The following FAAH2 variants were observed in gnomAD, a reference collection of about 807,000 sequenced individuals.
FAAH2 encodes fatty acid amide hydrolase 2, also known as fatty-acid amide hydrolase 2.
A neutral mutation model predicts 36.9 loss-of-function variants in FAAH2; 60 were observed. That is an observed-to-expected ratio of 1.63 (90% confidence interval 1.32 to 2.02). FAAH2 has a LOEUF of 2.02. FAAH2 is among the 30% of genes most tolerant of loss of function. The probability of loss-of-function intolerance (pLI) is 0.00; values close to 1 mark genes in which losing one functional copy is unlikely to be tolerated. For synonymous variants in FAAH2, 214 were observed against 143.8 expected (o/e 1.49, Z -3.49); for missense variants, 689 against 397.5 (o/e 1.73, Z -6.23).
At chrX:57,283,529 A>C (rs1480146835), upstream of FAAH2, among the ~76,000 whole-genome samples, 1 of 111,738 alleles carries the variant, frequency 8.9e-6, no homozygotes, top group Non-Finnish European at 1.9e-5. Flanking sequence ...CTGCAATGGC[A>C]GTGGCAGAGG....
At chrX:57,252,514 C>T in the FAAH2 span, among the ~76,000 whole-genome samples, 1 of 111,952 alleles carries the variant, frequency 8.9e-6, no homozygotes, top group South Asian at 3.7e-4. Flanking sequence ...TCATACAGGA[C>T]ATCTCTGGCT....
At chrX:57,291,506 T>A (rs1243898180) in intron 1 of FAAH2, among the ~76,000 whole-genome samples, 1 of 112,259 alleles carries the variant, frequency 8.9e-6, no homozygotes, top group Non-Finnish European at 1.9e-5. Context: ...GCTGAGCTTT[T>A]TTTAAAACCA....
At position 57,384,788 on chromosome X, in the gene FAAH2, C is replaced by G. The variant is rs1012136790; in HGVS notation, c.996+3759C>G. The stretch of plus-strand genomic sequence containing the variant: ...GTGGGGATTCCTCAGGGATCTAGAA[C>G]TAGAAATACCATTTGACCCAGCCAT... On this transcript the variant is annotated intron_variant, in intron 7 of 10. Coordinates refer to ENST00000374900, the MANE Select transcript of FAAH2 (RefSeq NM_174912.4). Among the ~76,000 whole-genome samples, 4 of 111,573 alleles carry G rather than the reference C, an allele frequency of 3.6e-5. No homozygotes were observed. The East Asian group carries it at 1.1e-3, about 32-fold the overall frequency.
the FAAH2 span, among the ~76,000 whole-genome samples, chrX:57,276,783 AATACTATAAGCACC>A: frequency 8.9e-6 from 1 of 112,084 alleles, no homozygotes; most frequent in Non-Finnish European, 1.9e-5. Context: ...ACCTTTAGAG[AATACTATAAGCACC>A]GGTACACAAA....
chrX:57,384,123 G>A (rs2054939816), intron 7 of FAAH2, among the ~76,000 whole-genome samples: 2 of 110,780 alleles, frequency 1.8e-5, no homozygotes, highest in Middle Eastern at 4.6e-3. Context: ...CTAGCCATAT[G>A]TAGAAAGCTG....
At chrX:57,183,141 G>T in the FAAH2 span, among the ~76,000 whole-genome samples, 49,702 of 109,383 alleles carry the variant, frequency 0.45, 11,410 homozygotes, top group African/African-American at 0.89. Flanking sequence ...AATGAAGTAA[G>T]GTATACTACA....
chrX:57,456,556 G>A (rs1053644030), intron 10 of FAAH2, among the ~76,000 whole-genome samples: 1 of 111,225 alleles, frequency 9.0e-6, no homozygotes, highest in African/African-American at 3.3e-5. Context: ...AACTAACAAG[G>A]AATAATAAAA....
chrX:57,368,353 C>G (rs1235090373), intron 5 of FAAH2, among the ~76,000 whole-genome samples: 2 of 109,747 alleles, frequency 1.8e-5, no homozygotes, highest in African/African-American at 6.7e-5. Context: ...TATGTGGGAG[C>G]AGTGCACAAG....
chrX:57,333,839 G>T (rs778934460), intron 4 of FAAH2, among the ~76,000 whole-genome samples: 3 of 111,252 alleles, frequency 2.7e-5, no homozygotes, highest in African/African-American at 9.8e-5. Context: ...AAGATTTTAA[G>T]AAACAGCAAT....
intron 7 of FAAH2, among the ~76,000 whole-genome samples, chrX:57,400,125 G>A (rs1238720755): frequency 2.7e-5 from 3 of 112,299 alleles, no homozygotes. Flanking sequence ...TTGCACAGGT[G>A]TGCAGTTGCA....
intron 5 of FAAH2, among the ~76,000 whole-genome samples, chrX:57,377,565 G>T (rs1451560670): frequency 8.9e-6 from 1 of 112,135 alleles, no homozygotes; most frequent in Non-Finnish European, 1.9e-5. Flanking sequence ...AATATTGTTT[G>T]AAGCCAGGTA....
intron 3 of FAAH2, among the ~76,000 whole-genome samples, chrX:57,313,590 G>T (rs1602240717): frequency 9.0e-6 from 1 of 111,146 alleles, no homozygotes; most frequent in East Asian, 2.8e-4. Context: ...AGAAGATATT[G>T]GGGGTCTACT....
At chrX:57,253,953 G>T in the FAAH2 span, among the ~76,000 whole-genome samples, 100 of 111,330 alleles carry the variant, frequency 9.0e-4, no homozygotes, top group South Asian at 5.3e-3. Flanking sequence ...TAGGCTAAAG[G>T]TCCCAATTAA....
chrX:57,378,288 T>G (rs1051368476), intron 5 of FAAH2, among the ~76,000 whole-genome samples: 1 of 111,865 alleles, frequency 8.9e-6, no homozygotes, highest in African/African-American at 3.2e-5. Flanking sequence ...TTATCCTCTA[T>G]GCCAGTAGAT....
the FAAH2 span, among the ~76,000 whole-genome samples, chrX:57,144,264 C>T: frequency 1.2e-3 from 137 of 110,900 alleles, no homozygotes; most frequent in African/African-American, 4.3e-3. Context: ...CTTTTGTGAG[C>T]TTGATTATTA....
chrX:57,226,711 G>A, the FAAH2 span, among the ~76,000 whole-genome samples: 1 of 112,158 alleles, frequency 8.9e-6, no homozygotes, highest in Admixed American at 9.4e-5. Flanking sequence ...GCAAGGCTGG[G>A]AAAGTTTTCC....
At chrX:57,217,116 A>C in the FAAH2 span, among the ~76,000 whole-genome samples, 1 of 110,187 alleles carries the variant, frequency 9.1e-6, no homozygotes, top group Admixed American at 9.6e-5. Flanking sequence ...CCACTTTTTG[A>C]TGGGATTGAT....
chrX:57,392,744 G>A, intron 7 of FAAH2: 2 of 614,893 alleles, frequency 3.3e-6, no homozygotes, highest in Non-Finnish European at 5.6e-6. Context: ...CTACTAAAGG[G>A]TACAGAAAAC....
At chrX:57,122,645 C>A in the FAAH2 span, among the ~76,000 whole-genome samples, 1 of 111,905 alleles carries the variant, frequency 8.9e-6, no homozygotes, top group African/African-American at 3.2e-5. Context: ...AGGTAAAAAG[C>A]AGCAAAATAA....
Sources: gnomAD v4.1 joint callset for allele counts (sites outside exome capture counted in the v4.1 genomes callset) on GRCh38, gnomAD v4.1.1 for gene constraint, MANE v1.5 for transcripts, NCBI Gene and HGNC (gene_info 2026-07-23, HGNC 2026-07-21) for gene names.